GATAD2A: variants seen among roughly 807,000 people sequenced by gnomAD.
GATAD2A encodes transcriptional repressor p66-alpha.
GATAD2A carries 12 observed loss-of-function variants against 68.5 expected under a neutral mutation model. The observed-to-expected ratio is 0.18, with a 90% CI of 0.11 to 0.28. GATAD2A has a LOEUF of 0.28. GATAD2A is among the 10% of genes least tolerant of loss of function. The pLI is 1.00. For synonymous variants in GATAD2A, 410 were observed against 375.3 expected (o/e 1.09, Z -1.07); for missense variants, 755 against 868.5 (o/e 0.87, Z 1.64).
chr19:19,430,287 G>A (rs772953886), intron 1 of GATAD2A, among the ~76,000 whole-genome samples: 8 of 152,132 alleles, frequency 5.3e-5, no homozygotes, highest in Non-Finnish European at 1.0e-4. Context: ...CTGACTTCTG[G>A]GCTTCCTCAG....
chr19:19,453,018 T>A (rs548642986), intron 1 of GATAD2A, among the ~76,000 whole-genome samples: 1 of 152,236 alleles, frequency 6.6e-6, no homozygotes, highest in Non-Finnish European at 1.5e-5. Flanking sequence ...CCGTGCCCTG[T>A]GACTCCCTTC....
In GATAD2A at chr19:19,487,658, G is replaced by A. The variant is rs117189003; in HGVS notation, c.270-4648G>A. ...CACCCCGAGGCAAGGGGACAGGGCC[G>A]GGCAGGCTTCCTGAGGCATGTTGAA... On this transcript the variant is annotated intron_variant, in intron 2 of 11. Transcript: ENST00000683918. 5.3e-3 allele frequency among the ~76,000 whole-genome samples: 804 copies of A among 152,284 alleles called. 6 individuals carry two copies. Among genetic ancestry groups the A allele is most frequent in the South Asian group, 0.041 (198 of 4,828 alleles).
At chr19:19,389,550 G>A (rs1255226150) in intron 1 of GATAD2A, among the ~76,000 whole-genome samples, 1 of 152,182 alleles carries the variant, frequency 6.6e-6, no homozygotes, top group Non-Finnish European at 1.5e-5. Flanking sequence ...CTGGGGAGAA[G>A]TGCTTGGAGA....
At chr19:19,502,959 G>A in intron 11 of GATAD2A, among the ~76,000 whole-genome samples, 1 of 152,208 alleles carries the variant, frequency 6.6e-6, no homozygotes, top group Non-Finnish European at 1.5e-5. Flanking sequence ...GAACAGTAAT[G>A]CGGGGCAGGG....
At chr19:19,436,042 C>G (rs554749596) in intron 1 of GATAD2A, 1 of 589,540 alleles carries the variant, frequency 1.7e-6, no homozygotes, top group East Asian at 5.8e-5. Flanking sequence ...CTATGTAATT[C>G]CAGGGGTTAG....
At chr19:19,480,744 C>T (rs1310717288) in intron 2 of GATAD2A, among the ~76,000 whole-genome samples, 4 of 152,242 alleles carry the variant, frequency 2.6e-5, no homozygotes, top group African/African-American at 9.6e-5. Flanking sequence ...CACCCAGCCC[C>T]CTCAGTGGTC....
chr19:19,444,087 T>C (rs1428076162), intron 1 of GATAD2A, among the ~76,000 whole-genome samples: 1 of 152,178 alleles, frequency 6.6e-6, no homozygotes, highest in Non-Finnish European at 1.5e-5. Context: ...TCAGGCTTTC[T>C]GGCTTTGACT....
chr19:19,431,558 G>A (rs1476190791), intron 1 of GATAD2A, among the ~76,000 whole-genome samples: 1 of 151,438 alleles, frequency 6.6e-6, no homozygotes, highest in African/African-American at 2.4e-5. Flanking sequence ...GCTGGGCGTG[G>A]TGGTGCGTGC....
In GATAD2A at chr19:19,415,517, T is replaced by G. The variant is rs2051500257; in HGVS notation, c.-7+9498T>G. On this transcript the variant is annotated intron_variant, in intron 1 of 11. Coordinates refer to ENST00000683918, the MANE Select transcript of GATAD2A (RefSeq NM_001384528.1). ...CAGGCTGGAATGCAGTGGCACAATC[T>G]TGGCTCACTGTAACCTCCGCTTCCC... is the stretch of plus-strand genomic sequence containing the variant. 2.6e-5 allele frequency among the ~76,000 whole-genome samples: 4 copies of G among 151,646 alleles called. No individual in the cohort carries two copies. In the South Asian group the frequency reaches 8.4e-4, roughly 32 times the overall value.
chr19:19,452,991 C>T (rs374346448), intron 1 of GATAD2A, among the ~76,000 whole-genome samples: 4 of 152,212 alleles, frequency 2.6e-5, no homozygotes, highest in African/African-American at 7.2e-5. Flanking sequence ...ATGGCCAGTC[C>T]TGGTTACCCG....
intron 1 of GATAD2A, among the ~76,000 whole-genome samples, chr19:19,454,625 G>A (rs929695838): frequency 1.3e-4 from 19 of 151,424 alleles, no homozygotes; most frequent in African/African-American, 4.6e-4. Flanking sequence ...TATTGGAGAC[G>A]AAGTCTCCCT....
intron 2 of GATAD2A, among the ~76,000 whole-genome samples, chr19:19,490,265 C>T (rs1283893182): frequency 1.3e-5 from 2 of 152,108 alleles, no homozygotes; most frequent in Non-Finnish European, 2.9e-5. Context: ...CAGAGGAGAG[C>T]AAGTAAAGCG....
chr19:19,408,864 C>G (rs2050594847), intron 1 of GATAD2A, among the ~76,000 whole-genome samples: 1 of 152,102 alleles, frequency 6.6e-6, no homozygotes, highest in African/African-American at 2.4e-5. Flanking sequence ...GGTCAGAGAA[C>G]AAGAAGGGGG....
intron 1 of GATAD2A, among the ~76,000 whole-genome samples, chr19:19,412,036 C>T (rs745734961): frequency 3.3e-4 from 50 of 151,328 alleles, no homozygotes; most frequent in Non-Finnish European, 5.4e-4. Flanking sequence ...CCCAGTAGTT[C>T]GAGACCCGCC....
chr19:19,491,188 T>C (rs1397411848), intron 2 of GATAD2A, among the ~76,000 whole-genome samples: 2 of 152,194 alleles, frequency 1.3e-5, no homozygotes, highest in African/African-American at 4.8e-5. Context: ...AGAATGGATA[T>C]TCACTGTTTC....
At chr19:19,451,812 C>T (rs1259183232) in intron 1 of GATAD2A, among the ~76,000 whole-genome samples, 1 of 152,180 alleles carries the variant, frequency 6.6e-6, no homozygotes, top group Non-Finnish European at 1.5e-5. Flanking sequence ...AACTACTGTT[C>T]TTTTGTTCAG....
chr19:19,420,177 G>GTTT (rs71170684), intron 1 of GATAD2A, among the ~76,000 whole-genome samples: 2,879 of 89,836 alleles, frequency 0.032, 108 homozygotes, highest in East Asian at 0.074. Context: ...TATCCAGCTA[G>GTTT]TTTTTTTTTT....
intron 1 of GATAD2A, among the ~76,000 whole-genome samples, chr19:19,408,778 A>G (rs1166605318): frequency 6.6e-6 from 1 of 152,192 alleles, no homozygotes; most frequent in Non-Finnish European, 1.5e-5. Flanking sequence ...TCTTATAAAC[A>G]TGGGGAAACT....
chr19:19,407,881 T>C (rs2050457891), intron 1 of GATAD2A, among the ~76,000 whole-genome samples: 1 of 152,234 alleles, frequency 6.6e-6, no homozygotes, highest in Non-Finnish European at 1.5e-5. Flanking sequence ...ACTTATTCCC[T>C]CCCCTCCTTC....
Sources: allele counts gnomAD v4.1 joint callset (sites outside exome capture counted in the v4.1 genomes callset), GRCh38; gene constraint gnomAD v4.1.1; transcripts MANE v1.5; gene names NCBI Gene and HGNC (gene_info 2026-07-23, HGNC 2026-07-21).